Variants in PTPRG observed in about 807,000 individuals in gnomAD.
PTPRG encodes the protein protein tyrosine phosphatase receptor type G, also known as receptor-type tyrosine-protein phosphatase gamma.
A neutral mutation model predicts 165.3 loss-of-function variants in PTPRG; 102 were observed. That is an observed-to-expected ratio of 0.62 (90% CI 0.53 to 0.73). The LOEUF (loss-of-function observed/expected upper bound fraction) is 0.73, where lower values mean the gene tolerates loss of function less well. PTPRG is among the 30% of genes least tolerant of loss of function. The pLI is 0.00. For missense variants in PTPRG, 1,866 were observed against 1,861.4 expected (o/e 1.00, Z -0.05); for synonymous variants, 675 against 669.5 (o/e 1.01, Z -0.13).
At chr3:61,862,969 T>G (rs1313464554) in intron 2 of PTPRG, among the ~76,000 whole-genome samples, 3 of 152,222 alleles carry the variant, frequency 2.0e-5, no homozygotes, top group Non-Finnish European at 2.9e-5. Context: ...CAGATTTCAG[T>G]AGATGATGCC....
chr3:62,235,829 G>A (rs1701020136), intron 14 of PTPRG, among the ~76,000 whole-genome samples: 1 of 152,054 alleles, frequency 6.6e-6, no homozygotes, highest in African/African-American at 2.4e-5. Flanking sequence ...GCATGATTTT[G>A]TTCTCTTTTC....
chr3:62,119,511 G>C (rs1275013655), intron 5 of PTPRG, among the ~76,000 whole-genome samples: 1 of 152,210 alleles, frequency 6.6e-6, no homozygotes, highest in Non-Finnish European at 1.5e-5. Context: ...CTGGAGTCCT[G>C]TAGGGAACCA....
At chr3:61,982,874 GTTTCTATTTCTGGTGTTA>G (rs2040673590) in intron 2 of PTPRG, among the ~76,000 whole-genome samples, 1 of 152,076 alleles carries the variant, frequency 6.6e-6, no homozygotes, top group East Asian at 1.9e-4. Context: ...AAAGTAGTTA[GTTTCTATTTCTGGTGTTA>G]TTGTCTGATA....
chr3:61,617,347 C>T (rs1701325715), intron 1 of PTPRG, among the ~76,000 whole-genome samples: 1 of 152,128 alleles, frequency 6.6e-6, no homozygotes. Context: ...TTTAATGGCT[C>T]TTCTACTGCT....
At chr3:61,752,730 A>G (rs1713532) in intron 2 of PTPRG, among the ~76,000 whole-genome samples, 69,130 of 143,286 alleles carry the variant, frequency 0.48, 16,924 homozygotes, top group Non-Finnish European at 0.55. Context: ...AGGTTGCAGT[A>G]AGCTGAAATC....
chr3:62,112,253 C>T lies in PTPRG; in HGVS notation c.616-20349C>T, dbSNP rs144501809. Among the ~76,000 whole-genome samples the T allele has an allele frequency of 1.5e-3, 227 of 152,218 alleles. 3 individuals are homozygous for T. Among genetic ancestry groups the T allele is most frequent in the South Asian group, 0.011 (54 of 4,812 alleles). On this transcript the variant is annotated intron_variant, in intron 5 of 29. Coordinates refer to ENST00000474889, the MANE Select transcript of PTPRG (RefSeq NM_002841.4). ...CTGAGTAGCTGGGATTACAGGCACG[C>T]ACCACCATGCGCAGCTAATTTTTGT...
At chr3:61,883,384 G>C (rs138887056) in intron 2 of PTPRG, among the ~76,000 whole-genome samples, 1 of 151,994 alleles carries the variant, frequency 6.6e-6, no homozygotes, top group Non-Finnish European at 1.5e-5. Flanking sequence ...GGGGTCTAAC[G>C]GTGCAAAAGT....
rs2039025850 is a variant in PTPRG, at chr3:61,919,506, C to G, written c.191-70119C>G. On this transcript the variant is annotated intron_variant, in intron 2 of 29. Transcript: ENST00000474889. ...TGTGCCTCCCTCCACGATGGAGTTT[C>G]CTACTTAATGATGAGCATGAATTGG... Among the ~76,000 whole-genome samples, 3 of 152,286 alleles carry G rather than the reference C, an allele frequency of 2.0e-5. No homozygotes were observed. The South Asian group carries it at 6.2e-4, about 32-fold the overall frequency.
At chr3:61,686,707 G>T (rs570348960) in intron 1 of PTPRG, among the ~76,000 whole-genome samples, 48 of 152,192 alleles carry the variant, frequency 3.2e-4, no homozygotes, top group Non-Finnish European at 6.3e-4. Context: ...CATATGTGCA[G>T]ATGTTACAAT....
At chr3:62,165,395 T>C (rs1704932876) in intron 7 of PTPRG, among the ~76,000 whole-genome samples, 1 of 152,212 alleles carries the variant, frequency 6.6e-6, no homozygotes, top group Non-Finnish European at 1.5e-5. Flanking sequence ...AGTGAGTTCA[T>C]ATCATGAGGT....
At chr3:61,592,626 T>G (rs551516517) in intron 1 of PTPRG, among the ~76,000 whole-genome samples, 88 of 150,688 alleles carry the variant, frequency 5.8e-4, no homozygotes, top group African/African-American at 2.1e-3. Context: ...CTTTTCTCTC[T>G]CTTTTTCTTT....
At chr3:61,966,990 T>A (rs2040287138) in intron 2 of PTPRG, among the ~76,000 whole-genome samples, 1 of 152,240 alleles carries the variant, frequency 6.6e-6, no homozygotes, top group Admixed American at 6.5e-5. Flanking sequence ...CAAACAGCAT[T>A]GGCTTAATTT....
At chr3:61,668,520 G>A (rs1702873426) in intron 1 of PTPRG, among the ~76,000 whole-genome samples, 1 of 152,214 alleles carries the variant, frequency 6.6e-6, no homozygotes, top group South Asian at 2.1e-4. Flanking sequence ...GCAAACGGCA[G>A]TGTGTGGGTG....
chr3:62,046,813 T>C (rs1447810832), intron 4 of PTPRG, among the ~76,000 whole-genome samples: 1 of 152,204 alleles, frequency 6.6e-6, no homozygotes, highest in African/African-American at 2.4e-5. Flanking sequence ...TTTTGACTGT[T>C]GTTATGTGGA....
In PTPRG at chr3:62,271,708, C is replaced by G. The variant is rs1005861005; in HGVS notation, c.3182+153C>G. ...AAGACCTATGATAGTCTTAAAGAGG[C>G]TCTATTCCTGTAACATTAAGAAATC... On this transcript the variant is annotated intron_variant, in intron 21 of 29. Transcript: ENST00000474889. This position sits in a 1 kb window ranked among gnomAD's most constrained non-coding sequence, Gnocchi z 4.1. Among the ~76,000 whole-genome samples the G allele has an allele frequency of 5.3e-5, 8 of 152,168 alleles. No homozygotes were observed. The highest frequency in any genetic ancestry group is 1.9e-4 in the African/African-American group (8 of 41,452).
chr3:61,899,704 C>A (rs2038450294), intron 2 of PTPRG, among the ~76,000 whole-genome samples: 1 of 152,094 alleles, frequency 6.6e-6, no homozygotes. Context: ...GATTCCAATT[C>A]AGTAGATTTG....
In PTPRG at chr3:61,716,345, G is replaced by C. The variant is rs186411297; in HGVS notation, c.86-32533G>C. Among the ~76,000 whole-genome samples the C allele has an allele frequency of 1.8e-3, 274 of 152,230 alleles. 1 individual carries two copies. The highest frequency in any genetic ancestry group is 6.5e-3 in the African/African-American group (269 of 41,536). On this transcript the variant is annotated intron_variant, in intron 1 of 29. Transcript: ENST00000474889. Reference sequence around the variant, plus strand: ...GTGAATTTTGTTGTTTATCAAAGATGTATCTCAACTAGGAGACAGAAATCA... The same window carrying C: ...GTGAATTTTGTTGTTTATCAAAGATCTATCTCAACTAGGAGACAGAAATCA...
chr3:62,173,783 A>C (rs1014044837), intron 8 of PTPRG, among the ~76,000 whole-genome samples: 1 of 152,130 alleles, frequency 6.6e-6, no homozygotes, highest in African/African-American at 2.4e-5. Context: ...TGAGGCAGCC[A>C]GTGGTGGGGG....
chr3:61,635,386 C>T, intron 1 of PTPRG, among the ~76,000 whole-genome samples: 1 of 150,484 alleles, frequency 6.6e-6, no homozygotes, highest in Non-Finnish European at 1.5e-5. Context: ...GACAGAGTCT[C>T]ACTCTTATCA....
Sources: gnomAD v4.1 joint callset for allele counts (sites outside exome capture counted in the v4.1 genomes callset) on GRCh38, gnomAD v4.1.1 for gene constraint, Gnocchi (gnomAD v3.1) non-coding constraint, MANE v1.5 for transcripts, NCBI Gene and HGNC (gene_info 2026-07-23, HGNC 2026-07-21) for gene names.